Variants in OSBPL11 observed in about 807,000 individuals in gnomAD.
OSBPL11 encodes oxysterol-binding protein-related protein 11.
Under a neutral mutation model 84.4 loss-of-function variants are expected in OSBPL11, and 33 were observed. The ratio of observed to expected loss-of-function variants is 0.39; its 90% confidence interval spans 0.30 to 0.52. The LOEUF is 0.52. Among genes scored for constraint, OSBPL11 ranks in the 20% least tolerant of loss-of-function variants. OSBPL11 has a pLI of 0.72. For missense variants in OSBPL11, 736 were observed against 901.1 expected (o/e 0.82, Z 2.35); for synonymous variants, 276 against 310.2 (o/e 0.89, Z 1.16).
intron 9 of OSBPL11, among the ~76,000 whole-genome samples, chr3:125,551,555 G>A (rs576778274): frequency 2.0e-5 from 3 of 152,202 alleles, no homozygotes; most frequent in Non-Finnish European, 2.9e-5. Context: ...GATCATCAGA[G>A]GTCAGGAGTT....
chr3:125,546,374 C>A (rs1001030708), intron 10 of OSBPL11, among the ~76,000 whole-genome samples: 1 of 151,802 alleles, frequency 6.6e-6, no homozygotes. Flanking sequence ...ACTCTTGTCA[C>A]CCCGGCTGGA....
chr3:125,572,330 T>C (rs566493283), intron 5 of OSBPL11, among the ~76,000 whole-genome samples: 5 of 152,344 alleles, frequency 3.3e-5, no homozygotes, highest in African/African-American at 9.6e-5. Context: ...GATGAGACTT[T>C]GGACTGTGGA....
chr3:125,532,875 T>C (rs1429232776), intron 11 of OSBPL11, among the ~76,000 whole-genome samples: 1 of 151,808 alleles, frequency 6.6e-6, no homozygotes, highest in Non-Finnish European at 1.5e-5. Flanking sequence ...GAACCACTGA[T>C]ACATGCAATT....
intron 5 of OSBPL11, 123 bp downstream of exon 5, chr3:125,576,066 G>T: frequency 1.2e-6 from 1 of 804,636 alleles, no homozygotes; most frequent in Non-Finnish European, 1.9e-6. Context: ...AATTATCTCA[G>T]CATACTAGAT....
chr3:125,545,003 T>A (rs1201033579), intron 10 of OSBPL11, among the ~76,000 whole-genome samples: 1 of 152,184 alleles, frequency 6.6e-6, no homozygotes, highest in Non-Finnish European at 1.5e-5. Context: ...CCTTTTAGAT[T>A]TTCTAGATCC....
Position 125,538,466 on chromosome 3 carries a change from T to A in OSBPL11, c.2009A>T (p.Asp670Val), listed in dbSNP as rs1935675662. ...KKRVRPLEKQ[D>V]PFESRRLWKN... ...GATGACATACCTGGATTCAAATGGA[T>A]CCTGCTTCTCCAGAGGTCTCACTCT... The change falls in exon 11 of 13, where the codon GAT (aspartate) becomes GTT (valine). Residue 670 changes from aspartate to valine, a missense_variant. Physicochemically the swap from Asp to Val is radical, Grantham distance 152. Coordinates refer to ENST00000296220, the MANE Select transcript of OSBPL11 (RefSeq NM_022776.5). The A allele has an allele frequency of 4.3e-6, 7 of 1,613,586 alleles. No homozygotes were observed. The highest frequency in any genetic ancestry group is 5.9e-6 in the Non-Finnish European group (7 of 1,179,682).
chr3:125,593,130 T>C (rs1036059261), intron 1 of OSBPL11, among the ~76,000 whole-genome samples: 1 of 152,134 alleles, frequency 6.6e-6, no homozygotes, highest in African/African-American at 2.4e-5. Context: ...CAGACCCAAA[T>C]GTGAATGCCA....
intron 10 of OSBPL11, among the ~76,000 whole-genome samples, chr3:125,543,422 G>A (rs776392327): frequency 9.9e-5 from 15 of 151,560 alleles, no homozygotes; most frequent in Non-Finnish European, 2.1e-4. Flanking sequence ...ATGAGCCACC[G>A]CGCCCAGCCT....
rs80110225 is a variant in OSBPL11 at position 125,553,104 on chromosome 3, C to A, written c.1156-425G>T. On this transcript the variant is annotated intron_variant, in intron 8 of 12. Transcript: ENST00000296220. ...TTGTACCTGAGCAACAGAGTGAGAC[C>A]CTGTCTTAACAACAACAACAAAAAA... is the stretch of plus-strand genomic sequence containing the variant. 3.5e-3 allele frequency among the ~76,000 whole-genome samples: 526 copies of A among 152,082 alleles called. 3 individuals carry two copies. The highest frequency in any genetic ancestry group is 6.0e-3 in the Non-Finnish European group (405 of 67,984).
intron 11 of OSBPL11, among the ~76,000 whole-genome samples, chr3:125,533,243 G>A (rs550094197): frequency 1.4e-3 from 163 of 119,554 alleles, no homozygotes; most frequent in Middle Eastern, 7.2e-3. Context: ...TTCTGTTCTC[G>A]TCTCTTCTCT....
chr3:125,548,626 C>T (rs1432060384), intron 9 of OSBPL11, among the ~76,000 whole-genome samples: 1 of 151,840 alleles, frequency 6.6e-6, no homozygotes, highest in East Asian at 1.9e-4. Context: ...TAAGGATACT[C>T]GAGCTACATT....
chr3:125,552,159 AT>A, intron 9 of OSBPL11, 21 bp downstream of exon 9: 5 of 1,355,644 alleles, frequency 3.7e-6, no homozygotes, highest in Non-Finnish European at 4.9e-6. Flanking sequence ...ATATATATAT[AT>A]AAAATAATTT....
At chr3:125,537,834 CTGTACCT>C (rs1375000414) in intron 11 of OSBPL11, among the ~76,000 whole-genome samples, 1 of 152,138 alleles carries the variant, frequency 6.6e-6, no homozygotes, top group East Asian at 1.9e-4. Context: ...ATTTTGGAAG[CTGTACCT>C]TATTAACACG....
At chr3:125,570,900 G>A (rs1437085734) in intron 5 of OSBPL11, among the ~76,000 whole-genome samples, 1 of 152,192 alleles carries the variant, frequency 6.6e-6, no homozygotes, top group Non-Finnish European at 1.5e-5. Context: ...CCGGAAGTGG[G>A]GAGCTGCTGA....
chr3:125,553,165 T>C (rs543552519), intron 8 of OSBPL11, among the ~76,000 whole-genome samples: 11 of 152,242 alleles, frequency 7.2e-5, no homozygotes, highest in African/African-American at 2.6e-4. Flanking sequence ...TGCCCAAGAC[T>C]AAACATAAAT....
At chr3:125,549,249 C>A (rs1175740723) in intron 9 of OSBPL11, among the ~76,000 whole-genome samples, 1 of 152,204 alleles carries the variant, frequency 6.6e-6, no homozygotes, top group Non-Finnish European at 1.5e-5. Context: ...GTCTCGAACT[C>A]CTGACCTCAG....
chr3:125,549,304 G>A (rs990539876), intron 9 of OSBPL11, among the ~76,000 whole-genome samples: 5 of 152,182 alleles, frequency 3.3e-5, no homozygotes, highest in Admixed American at 6.5e-5. Flanking sequence ...GATTACAGGC[G>A]TGAGTCACCA....
At chr3:125,567,044 G>A (rs991774985) in intron 6 of OSBPL11, among the ~76,000 whole-genome samples, 1 of 152,066 alleles carries the variant, frequency 6.6e-6, no homozygotes, top group African/African-American at 2.4e-5. Flanking sequence ...ATAATGCCAA[G>A]GTTTCTACTT....
intron 11 of OSBPL11, among the ~76,000 whole-genome samples, chr3:125,536,814 C>A (rs913259733): frequency 6.6e-6 from 1 of 152,108 alleles, no homozygotes; most frequent in African/African-American, 2.4e-5. Flanking sequence ...TCTTCGGTAG[C>A]CAGCACAAAT....
Sources: allele counts gnomAD v4.1 joint callset (sites outside exome capture counted in the v4.1 genomes callset), GRCh38; gene constraint gnomAD v4.1.1; transcripts MANE v1.5; gene names NCBI Gene and HGNC (gene_info 2026-07-23, HGNC 2026-07-21).